The following GRAMD2B variants were observed in gnomAD, a reference collection of about 807,000 sequenced individuals.
GRAMD2B encodes the protein GRAM domain containing 2B.
In GRAMD2B, 41 loss-of-function variants were observed where a neutral mutation model predicts 59.2. The observed-to-expected ratio is 0.69, with a 90% CI of 0.54 to 0.90. The LOEUF is 0.90. GRAMD2B is among the 40% of genes least tolerant of loss of function. The pLI is 0.00. For missense variants in GRAMD2B, 424 were observed against 500.5 expected (o/e 0.85, Z 1.46); for synonymous variants, 161 against 182.7 (o/e 0.88, Z 0.96).
intron 1 of GRAMD2B, among the ~76,000 whole-genome samples, chr5:126,389,613 G>C (rs1372944689): frequency 6.6e-6 from 1 of 152,176 alleles, no homozygotes; most frequent in Non-Finnish European, 1.5e-5. Flanking sequence ...ATGTTTCACA[G>C]CGTAAGATTA....
upstream of GRAMD2B, among the ~76,000 whole-genome samples, chr5:126,369,577 G>A (rs1754637533): frequency 6.6e-6 from 1 of 151,970 alleles, no homozygotes. Flanking sequence ...TAGCTTCATT[G>A]TTGAAGCAAG....
chr5:126,361,717 A>G (rs1286587297), intron 1 of GRAMD2B, among the ~76,000 whole-genome samples: 1 of 152,028 alleles, frequency 6.6e-6, no homozygotes, highest in African/African-American at 2.4e-5. Flanking sequence ...ACCAAACCCT[A>G]CCTCACGCTA....
intron 1 of GRAMD2B, among the ~76,000 whole-genome samples, chr5:126,444,418 G>T (rs554976339): frequency 6.6e-6 from 1 of 152,300 alleles, no homozygotes; most frequent in Admixed American, 6.5e-5. Context: ...CATTTTTTAT[G>T]AACTGAATTC....
intron 1 of GRAMD2B, among the ~76,000 whole-genome samples, chr5:126,455,076 G>A (rs35021541): frequency 0.3 from 45,869 of 151,904 alleles, 7,337 homozygotes; most frequent in East Asian, 0.59. Flanking sequence ...TCTCCATTGC[G>A]TGCTCTCCCT....
In GRAMD2B at chr5:126,493,025, T is replaced by C; in HGVS notation, c.*69T>C. On this transcript the variant is annotated 3_prime_UTR_variant, in exon 14 of 14. Transcript: ENST00000285689. ...TTGAAGAAGGTGCTTCCTGAGGCGT[T>C]TTGTTTGAGTGCACCCTGCTGGTCA... The C allele has an allele frequency of 8.3e-7, 1 of 1,209,490 alleles. No homozygotes were observed. The highest frequency in any genetic ancestry group is 1.2e-6 in the Non-Finnish European group (1 of 815,920). 74.9% of individuals were successfully genotyped at this position (1,209,490 alleles called of 1,614,324 possible). A position where few individuals can be genotyped will look rare whatever the true frequency, so the allele number is the denominator to read the frequency against.
chr5:126,418,859 A>C (rs1759476096), upstream of GRAMD2B, among the ~76,000 whole-genome samples: 1 of 152,136 alleles, frequency 6.6e-6, no homozygotes, highest in Non-Finnish European at 1.5e-5. Context: ...TCTTCTTTGG[A>C]CACTGGCTTT....
At chr5:126,490,953 C>T (rs73338072) in intron 13 of GRAMD2B, among the ~76,000 whole-genome samples, 21 of 152,296 alleles carry the variant, frequency 1.4e-4, no homozygotes, top group African/African-American at 4.1e-4. Context: ...AGTCTGTCTT[C>T]AAATGTCTCC....
intron 1 of GRAMD2B, among the ~76,000 whole-genome samples, chr5:126,381,110 G>A (rs1755618679): frequency 6.6e-6 from 1 of 152,162 alleles, no homozygotes; most frequent in African/African-American, 2.4e-5. Flanking sequence ...TAATCATAAA[G>A]CGATGCTAGA....
At chr5:126,444,863 A>G (rs754305492) in intron 1 of GRAMD2B, among the ~76,000 whole-genome samples, 3 of 152,104 alleles carry the variant, frequency 2.0e-5, no homozygotes, top group Non-Finnish European at 4.4e-5. Context: ...ACCTCTCCTG[A>G]CAGGGCTTAG....
intron 1 of GRAMD2B, among the ~76,000 whole-genome samples, chr5:126,388,580 G>T (rs1756401685): frequency 6.6e-6 from 1 of 151,200 alleles, no homozygotes; most frequent in South Asian, 2.1e-4. Flanking sequence ...TGGAAAATAT[G>T]AATATGAAAT....
At chr5:126,439,687 A>T (rs563696045) in intron 1 of GRAMD2B, among the ~76,000 whole-genome samples, 5 of 152,192 alleles carry the variant, frequency 3.3e-5, no homozygotes, top group African/African-American at 1.2e-4. Flanking sequence ...AGTACTTAGT[A>T]AGTTGACTGA....
At chr5:126,461,066 G>A (rs1767265115) in intron 1 of GRAMD2B, among the ~76,000 whole-genome samples, 1 of 152,122 alleles carries the variant, frequency 6.6e-6, no homozygotes, top group African/African-American at 2.4e-5. Flanking sequence ...ACTCATCACT[G>A]TAATTAGAAG....
chr5:126,388,584 A>G (rs1344895780), intron 1 of GRAMD2B, among the ~76,000 whole-genome samples: 1 of 151,684 alleles, frequency 6.6e-6, no homozygotes, highest in Non-Finnish European at 1.5e-5. Context: ...AAATATGAAT[A>G]TGAAATTTAT....
At chr5:126,467,066 G>A (rs1001382040) in intron 2 of GRAMD2B, among the ~76,000 whole-genome samples, 2 of 152,112 alleles carry the variant, frequency 1.3e-5, no homozygotes, top group African/African-American at 4.8e-5. Flanking sequence ...GAGGTGGGTG[G>A]ATAACTTGAG....
chr5:126,472,609 A>T (rs1410280339), intron 4 of GRAMD2B, among the ~76,000 whole-genome samples: 1 of 152,156 alleles, frequency 6.6e-6, no homozygotes, highest in Non-Finnish European at 1.5e-5. Context: ...ATTTAGGATA[A>T]CAAGCCTGGG....
At chr5:126,386,856 A>G (rs2149711886) in intron 1 of GRAMD2B, among the ~76,000 whole-genome samples, 2 of 152,314 alleles carry the variant, frequency 1.3e-5, no homozygotes, top group Middle Eastern at 3.4e-3. Context: ...AATTGTTATC[A>G]CTATAGCTAC....
intron 5 of GRAMD2B, among the ~76,000 whole-genome samples, chr5:126,477,147 T>C (rs1233004989): frequency 6.6e-6 from 1 of 152,244 alleles, no homozygotes; most frequent in East Asian, 1.9e-4. Context: ...ACCATCAATA[T>C]CAGCATTCAA....
intron 12 of GRAMD2B, among the ~76,000 whole-genome samples, chr5:126,487,475 T>C (rs1421657318): frequency 2.0e-5 from 3 of 152,340 alleles, no homozygotes; most frequent in African/African-American, 7.2e-5. Flanking sequence ...AGTCTTTTTT[T>C]TAACATGCCT....
At position 126,423,615 on chromosome 5, in the gene GRAMD2B, A is replaced by T. The variant is rs771816509; in HGVS notation, c.9A>T (p.Glu3Asp). The T allele has an allele frequency of 6.2e-7, 1 of 1,612,374 alleles. No individual in the cohort carries two copies. Among genetic ancestry groups the T allele is most frequent in the East Asian group, 2.2e-5 (1 of 44,804 alleles). MT[E>D]LQQDVEDTKP... ...CTCCAGACACGGCCCCGATGACTGA[A>T]CTACAGCAAGATGTGGAAGACACAA... The change falls in exon 1 of 14, where the codon GAA (glutamate) becomes GAT (aspartate). Residue 3 changes from glutamate to aspartate, a missense_variant. Physicochemically the swap from Glu to Asp is conservative, Grantham distance 45. Coordinates refer to ENST00000285689, the MANE Select transcript of GRAMD2B (RefSeq NM_023927.4).
Sources: allele counts gnomAD v4.1 joint callset (sites outside exome capture counted in the v4.1 genomes callset), GRCh38; gene constraint gnomAD v4.1.1; transcripts MANE v1.5; gene names NCBI Gene and HGNC (gene_info 2026-07-23, HGNC 2026-07-21).